QTRT2: variants seen among roughly 807,000 people sequenced by gnomAD.
The protein encoded by QTRT2 is queuine tRNA-ribosyltransferase domain containing 1.
In QTRT2, 32 loss-of-function variants were observed where a neutral mutation model predicts 44.8. The observed-to-expected ratio is 0.71, with a 90% CI of 0.54 to 0.96. The LOEUF is 0.96. Ranked by LOEUF, QTRT2 falls within the 40% of genes least tolerant of loss-of-function variation. The pLI is 0.00. For synonymous variants in QTRT2, 182 were observed against 187.4 expected, an observed-to-expected ratio of 0.97 and a Z score of 0.24; for missense variants, 461 against 503.1, an observed-to-expected ratio of 0.92 and a Z score of 0.80.
Position 114,086,310 on chromosome 3 carries a change from T to G in QTRT2, c.*406T>G. 5.0e-6 allele frequency: 1 copy of G among 199,408 alleles called. No individual in the cohort carries two copies. Among genetic ancestry groups the G allele is most frequent in the South Asian group, 9.0e-5 (1 of 11,074 alleles). The allele number at this position is 199,408 out of a possible 1,614,324, so 12.4% of individuals were successfully genotyped here. On this transcript the variant is annotated 3_prime_UTR_variant, in exon 10 of 10. Coordinates refer to ENST00000281273, the MANE Select transcript of QTRT2 (RefSeq NM_024638.4). ...GGGCTCTGGACATATGCCTGTTGAT[T>G]TGAGAAGAAATCTGGCTGGTTTGAG...
intron 8 of QTRT2, 97 bp downstream of exon 8, chr3:114,080,154 C>A: frequency 1.0e-6 from 1 of 980,398 alleles, no homozygotes; most frequent in Non-Finnish European, 1.5e-6. Context: ...ATATATAAAG[C>A]CAGTCTTTTA....
chr3:114,072,325 G>A (rs2077034848), intron 6 of QTRT2, among the ~76,000 whole-genome samples: 1 of 152,022 alleles, frequency 6.6e-6, no homozygotes, highest in Non-Finnish European at 1.5e-5. Flanking sequence ...GCTAATTTTT[G>A]TATTTTTAGC....
chr3:114,076,825 C>G lies in QTRT2; in HGVS notation c.629C>G (p.Ala210Gly), dbSNP rs112996087. Reference protein sequence around the residue: ...EERLRSARETAKRPVGGFLLD... With the variant: ...EERLRSARETGKRPVGGFLLD... Reference sequence around the variant, plus strand: ...AGGCTGAGGTCAGCACGAGAGACAGCCAAGCGGCCTGTGGGTGGCTTCCTT... The same window carrying G: ...AGGCTGAGGTCAGCACGAGAGACAGGCAAGCGGCCTGTGGGTGGCTTCCTT... Residue 210 changes from alanine (A) to glycine (G), a missense_variant, in exon 7 of 10, where the codon GCC becomes GGC. Coordinates refer to ENST00000281273, the MANE Select transcript of QTRT2 (RefSeq NM_024638.4). 1.2e-6 allele frequency: 2 copies of G among 1,614,048 alleles called. No individual in the cohort carries two copies. The highest frequency in any genetic ancestry group is 1.7e-6 in the Non-Finnish European group (2 of 1,180,026).
At chr3:114,072,604 G>A (rs2077038225) in intron 6 of QTRT2, among the ~76,000 whole-genome samples, 1 of 152,140 alleles carries the variant, frequency 6.6e-6, no homozygotes, top group Non-Finnish European at 1.5e-5. Context: ...TATAAGTTGG[G>A]TATCTTCATC....
intron 4 of QTRT2, 149 bp from the exon 5 acceptor site, chr3:114,067,838 C>T: frequency 1.5e-5 from 9 of 592,646 alleles, no homozygotes; most frequent in South Asian, 2.2e-5. Flanking sequence ...ATTGATAGGC[C>T]TTCTCTAATT....
chr3:114,065,287 T>C lies in QTRT2; in HGVS notation c.30T>C (p.Asn10=), dbSNP rs753188188. Residue 10 remains asparagine (N), a synonymous_variant, in exon 3 of 10, where the codon AAT becomes AAC. Transcript: ENST00000281273. MKLSLTKVV[N]GCRLGKIKNL... Reference sequence around the variant, plus strand: ...AGCTGAGTCTTACCAAGGTAGTTAATGGCTGTCGCCTAGGAAAAATAAAAA... The same window carrying C: ...AGCTGAGTCTTACCAAGGTAGTTAACGGCTGTCGCCTAGGAAAAATAAAAA... 1.5e-5 allele frequency: 24 copies of C among 1,614,140 alleles called. No homozygotes were observed. The highest frequency in any genetic ancestry group is 1.9e-5 in the Non-Finnish European group (22 of 1,180,016).
rs2077233078 is a variant in QTRT2, at chr3:114,086,029, TAAAG to T, written c.*128_*131del. ...TATTTGGATATAAGGTCTGCTTAAATAAAGAATCTTTGTACCAAACTGCCCACAT... is the reference window on the plus strand; with the variant it reads ...TATTTGGATATAAGGTCTGCTTAAATAATCTTTGTACCAAACTGCCCACAT... On this transcript the variant is annotated 3_prime_UTR_variant, in exon 10 of 10. Transcript: ENST00000281273. The T allele has an allele frequency of 5.1e-6, 4 of 786,004 alleles. No homozygotes were observed. The highest frequency in any genetic ancestry group is 2.4e-5 in the Admixed American group (1 of 41,346). The allele number at this position is 786,004 out of a possible 1,614,324, so 48.7% of individuals were successfully genotyped here. A position where few individuals can be genotyped will look rare whatever the true frequency, so the allele number is the denominator to read the frequency against.
chr3:114,077,126 G>A, intron 7 of QTRT2, 184 bp downstream of exon 7: 1 of 601,324 alleles, frequency 1.7e-6, no homozygotes, highest in Non-Finnish European at 2.9e-6. Flanking sequence ...AGGCTGTCCT[G>A]GCCTTGATTT....
chr3:114,085,802 C>T lies in QTRT2; in HGVS notation c.1146C>T (p.His382=). Reference sequence around the variant, plus strand: ...TGGCCGGAGTCCTGCTTATGATGCACAACTTTGAACACTACTTTGGGTTTT... The same window carrying T: ...TGGCCGGAGTCCTGCTTATGATGCATAACTTTGAACACTACTTTGGGTTTT... ...ELLAGVLLMM[H]NFEHYFGFFH... is the part of the protein sequence containing the mutation. Residue 382 remains histidine (H), a synonymous_variant, in exon 10 of 10, where the codon CAC becomes CAT. Transcript: ENST00000281273. The T allele has an allele frequency of 6.2e-7, 1 of 1,614,110 alleles. No individual in the cohort carries two copies. The highest frequency in any genetic ancestry group is 8.5e-7 in the Non-Finnish European group (1 of 1,180,006).
intron 6 of QTRT2, among the ~76,000 whole-genome samples, chr3:114,075,003 A>C (rs143706197): frequency 6.6e-6 from 1 of 152,322 alleles, no homozygotes; most frequent in East Asian, 1.9e-4. Flanking sequence ...TATTCTAAAC[A>C]TCTTTGTAAA....
At position 114,080,469 on chromosome 3, in the gene QTRT2, G is replaced by C. The variant is rs538288237; in HGVS notation, c.898+412G>C. On this transcript the variant is annotated intron_variant, in intron 8 of 9. Coordinates refer to ENST00000281273, the MANE Select transcript of QTRT2 (RefSeq NM_024638.4). Reference sequence around the variant, plus strand: ...AATACAGGGAGACTCATGATCCTCTGATCCTAGTGTTACTTCTTGCATTTT... The same window carrying C: ...AATACAGGGAGACTCATGATCCTCTCATCCTAGTGTTACTTCTTGCATTTT... 2.5e-4 allele frequency among the ~76,000 whole-genome samples: 38 copies of C among 152,206 alleles called. No homozygotes were observed. In the South Asian group the frequency reaches 7.5e-3, roughly 30 times the overall value.
At chr3:114,061,565 T>C (rs2076887094) in intron 2 of QTRT2, among the ~76,000 whole-genome samples, 1 of 152,186 alleles carries the variant, frequency 6.6e-6, no homozygotes, top group Non-Finnish European at 1.5e-5. Context: ...ATCTCTTTTC[T>C]TTCTCTTTCT....
Position 114,088,147 on chromosome 3 carries a change from G to A in QTRT2, c.*2243G>A, listed in dbSNP as rs1041088498. The A allele has an allele frequency of 5.9e-5, 9 of 152,168 alleles. No individual in the cohort carries two copies. Among genetic ancestry groups the A allele is most frequent in the African/African-American group, 1.2e-4 (5 of 41,444 alleles). 9.4% of individuals were successfully genotyped at this position (152,168 alleles called of 1,614,324 possible). A position where few individuals can be genotyped will look rare whatever the true frequency, so the allele number is the denominator to read the frequency against. On this transcript the variant is annotated 3_prime_UTR_variant, in exon 10 of 10. Coordinates refer to ENST00000281273, the MANE Select transcript of QTRT2 (RefSeq NM_024638.4). ...ATTTTTGTTCTATGCTAAATGCATC[G>A]TTAGGGGAGTAGTGGTAAATATTCC...
At chr3:114,071,446 G>A (rs2077023081) in intron 6 of QTRT2, among the ~76,000 whole-genome samples, 1 of 152,052 alleles carries the variant, frequency 6.6e-6, no homozygotes, top group Admixed American at 6.5e-5. Flanking sequence ...TTACAGGCAT[G>A]CACCATCACA....
chr3:114,063,732 T>A (rs2076917143), intron 2 of QTRT2, among the ~76,000 whole-genome samples: 1 of 152,184 alleles, frequency 6.6e-6, no homozygotes, highest in South Asian at 2.1e-4. Flanking sequence ...AAGAAAGTAG[T>A]TATTCTTATG....
chr3:114,057,148 A>T, intron 2 of QTRT2, 42 bp downstream of exon 2: 2 of 1,097,522 alleles, frequency 1.8e-6, no homozygotes, highest in Non-Finnish European at 1.2e-6. Context: ...TGCCCATGGG[A>T]GGGTGGGACC....
chr3:114,065,530 A>G (rs764201457), intron 3 of QTRT2, 73 bp downstream of exon 3: 46 of 1,166,490 alleles, frequency 3.9e-5, no homozygotes, highest in Non-Finnish European at 5.6e-5. Flanking sequence ...AAAAAAGAGA[A>G]ATATTTTTTT....
intron 9 of QTRT2, 69 bp from the exon 10 acceptor site, chr3:114,085,604 T>C: frequency 1.5e-6 from 2 of 1,294,858 alleles, no homozygotes; most frequent in South Asian, 1.2e-5. Flanking sequence ...ACCAGCAGAA[T>C]AGATAGCTGA....
In QTRT2 at chr3:114,086,158, A is replaced by G. The variant is rs2107810693; in HGVS notation, c.*254A>G. The G allele has an allele frequency of 4.7e-6, 2 of 425,320 alleles. No homozygotes were observed. The highest frequency in any genetic ancestry group is 8.8e-6 in the Non-Finnish European group (2 of 228,350). 26.3% of individuals were successfully genotyped at this position (425,320 alleles called of 1,614,324 possible). A position where few individuals can be genotyped will look rare whatever the true frequency, so the allele number is the denominator to read the frequency against. Reference sequence around the variant, plus strand: ...ACTTCTAGACTAATTCTTTTAGTTGATAGAGATTCATTTAGTCAAAGACAA... The same window carrying G: ...ACTTCTAGACTAATTCTTTTAGTTGGTAGAGATTCATTTAGTCAAAGACAA... On this transcript the variant is annotated 3_prime_UTR_variant, in exon 10 of 10. Transcript: ENST00000281273.
Sources: gnomAD v4.1 joint callset for allele counts (sites outside exome capture counted in the v4.1 genomes callset) on GRCh38, gnomAD v4.1.1 for gene constraint, MANE v1.5 for transcripts, NCBI Gene and HGNC (gene_info 2026-07-23, HGNC 2026-07-21) for gene names.